Variants in CA8 observed in about 807,000 individuals in gnomAD.
CA8 encodes carbonic anhydrase-related protein.
Under a neutral mutation model 41.4 loss-of-function variants are expected in CA8, and 22 were observed. The observed-to-expected ratio is 0.53, with a 90% CI of 0.38 to 0.76. The LOEUF is 0.76. Ranked by LOEUF, CA8 falls within the 30% of genes least tolerant of loss-of-function variation. CA8 has a pLI of 0.00. For synonymous variants in CA8, 121 were observed against 130.6 expected (o/e 0.93, Z 0.50); for missense variants, 270 against 352.8 (o/e 0.77, Z 1.88).
intron 4 of CA8, among the ~76,000 whole-genome samples, chr8:60,227,810 A>C (rs888716736): frequency 1.3e-5 from 2 of 152,228 alleles, no homozygotes; most frequent in African/African-American, 4.8e-5. Context: ...TTTTAAAAAC[A>C]TATCACTATA....
chr8:60,220,141 T>C (rs915646226), intron 7 of CA8, among the ~76,000 whole-genome samples: 1 of 152,088 alleles, frequency 6.6e-6, no homozygotes, highest in Non-Finnish European at 1.5e-5. Context: ...TGTTCATGAA[T>C]CTTGTTTGCA....
chr8:60,258,615 T>C (rs1417136113), intron 3 of CA8, among the ~76,000 whole-genome samples: 1 of 152,130 alleles, frequency 6.6e-6, no homozygotes, highest in African/African-American at 2.4e-5. Flanking sequence ...TTGTAATATA[T>C]AAGGAAATAA....
intron 3 of CA8, among the ~76,000 whole-genome samples, chr8:60,240,188 C>A (rs1263207395): frequency 6.6e-6 from 1 of 152,108 alleles, no homozygotes; most frequent in Non-Finnish European, 1.5e-5. Flanking sequence ...TCAATACTGT[C>A]AAGGAGATAC....
chr8:60,193,488 T>C (rs1465915837), intron 8 of CA8, among the ~76,000 whole-genome samples: 1 of 152,144 alleles, frequency 6.6e-6, no homozygotes, highest in Non-Finnish European at 1.5e-5. Context: ...ATCAAGTAGC[T>C]TCTGGGAAAT....
intron 3 of CA8, among the ~76,000 whole-genome samples, chr8:60,240,691 T>C (rs1807993804): frequency 6.6e-6 from 1 of 151,122 alleles, no homozygotes; most frequent in South Asian, 2.1e-4. Context: ...CAGATCTTTA[T>C]TTCTGTGTCC....
intron 2 of CA8, among the ~76,000 whole-genome samples, chr8:60,274,103 T>C (rs1585936091): frequency 1.3e-5 from 2 of 151,844 alleles, no homozygotes; most frequent in Non-Finnish European, 2.9e-5. Flanking sequence ...TTTAGCACAG[T>C]GGTGGTGTGA....
At chr8:60,244,711 A>G (rs555971109) in intron 3 of CA8, among the ~76,000 whole-genome samples, 2 of 152,352 alleles carry the variant, frequency 1.3e-5, no homozygotes, top group East Asian at 3.9e-4. Flanking sequence ...TACAATTCAA[A>G]CTATTACAAT....
At chr8:60,230,680 C>T (rs1454045657) in intron 4 of CA8, among the ~76,000 whole-genome samples, 2 of 151,686 alleles carry the variant, frequency 1.3e-5, no homozygotes, top group African/African-American at 4.8e-5. Context: ...ACACAGATAA[C>T]CTGAATTTTT....
chr8:60,247,784 C>T (rs964236651), intron 3 of CA8, among the ~76,000 whole-genome samples: 5 of 152,258 alleles, frequency 3.3e-5, no homozygotes, highest in East Asian at 3.9e-4. Flanking sequence ...AATGGGATTG[C>T]GTATCAAATG....
At chr8:60,193,696 T>C (rs1417535236) in intron 8 of CA8, among the ~76,000 whole-genome samples, 2 of 152,198 alleles carry the variant, frequency 1.3e-5, no homozygotes, top group Non-Finnish European at 2.9e-5. Flanking sequence ...GACATGTTTG[T>C]TGCTTTGGTT....
rs1162295550 is a variant in CA8 at position 60,188,657 on chromosome 8, C to G, written c.*1364G>C. The G allele has an allele frequency of 6.6e-6, 1 of 152,212 alleles. No homozygotes were observed. The highest frequency in any genetic ancestry group is 2.4e-5 in the African/African-American group (1 of 41,436). The allele number at this position is 152,212 out of a possible 1,614,324, so 9.4% of individuals were successfully genotyped here. A position where few individuals can be genotyped will look rare whatever the true frequency, so the allele number is the denominator to read the frequency against. Reference sequence around the variant, plus strand: ...TCAGAGGCACTGCCTGGTGCTGACCCCATGTGATCCAGGGCTACCAACAGA... The same window carrying G: ...TCAGAGGCACTGCCTGGTGCTGACCGCATGTGATCCAGGGCTACCAACAGA... On this transcript the variant is annotated 3_prime_UTR_variant, in exon 9 of 9. Coordinates refer to ENST00000317995, the MANE Select transcript of CA8 (RefSeq NM_004056.6).
intron 8 of CA8, among the ~76,000 whole-genome samples, chr8:60,203,690 T>C (rs1486985067): frequency 6.6e-6 from 1 of 152,182 alleles, no homozygotes; most frequent in Non-Finnish European, 1.5e-5. Flanking sequence ...TATCTCCTTA[T>C]ACTCCTGATT....
At chr8:60,271,913 C>T (rs1282447840) in intron 2 of CA8, among the ~76,000 whole-genome samples, 1 of 151,126 alleles carries the variant, frequency 6.6e-6, no homozygotes, top group Non-Finnish European at 1.5e-5. Flanking sequence ...TCCTGAGAGA[C>T]AGTGACCCAC....
intron 3 of CA8, among the ~76,000 whole-genome samples, chr8:60,259,618 A>G (rs1268921971): frequency 6.6e-6 from 1 of 152,246 alleles, no homozygotes; most frequent in Non-Finnish European, 1.5e-5. Flanking sequence ...TCTACTCAGT[A>G]AACTGTGAGG....
intron 8 of CA8, among the ~76,000 whole-genome samples, chr8:60,194,184 C>G (rs1177979134): frequency 6.6e-6 from 1 of 152,126 alleles, no homozygotes; most frequent in Non-Finnish European, 1.5e-5. Context: ...GACAGTTTTT[C>G]TCTTCTTACA....
At chr8:60,215,098 C>T (rs1031948968) in intron 7 of CA8, among the ~76,000 whole-genome samples, 1 of 151,878 alleles carries the variant, frequency 6.6e-6, no homozygotes, top group Admixed American at 6.6e-5. Flanking sequence ...ACCATAATAC[C>T]CTGTTCTATC....
chr8:60,250,465 C>T (rs1298189522), intron 3 of CA8, among the ~76,000 whole-genome samples: 1 of 152,182 alleles, frequency 6.6e-6, no homozygotes, highest in African/African-American at 2.4e-5. Flanking sequence ...GATCTCCAAA[C>T]AATCAAAGCT....
Position 60,279,798 on chromosome 8 carries a change from A to G in CA8, c.183T>C (p.Tyr61=). Reference sequence around the variant, plus strand: ...GGCGGACATCCAACAGCGAGGGGTCATACCTAGCCTCTCTTGAGTTTAGGT... The same window carrying G: ...GGCGGACATCCAACAGCGAGGGGTCGTACCTAGCCTCTCTTGAGTTTAGGT... ...PINLNSREAR[Y]DPSLLDVRLS... is the part of the protein sequence containing the mutation. Residue 61 remains tyrosine, a synonymous_variant, in exon 2 of 9, where the codon TAT becomes TAC. Coordinates refer to ENST00000317995, the MANE Select transcript of CA8 (RefSeq NM_004056.6). 6.2e-7 allele frequency: 1 copy of G among 1,614,180 alleles called. No homozygotes were observed. Among genetic ancestry groups the G allele is most frequent in the South Asian group, 1.1e-5 (1 of 91,068 alleles).
At position 60,281,236 on chromosome 8, in the gene CA8, G is replaced by T. The variant is rs1241928214; in HGVS notation, c.-89C>A. 5 of 923,092 alleles carry T rather than the reference G, an allele frequency of 5.4e-6. No individual in the cohort carries two copies. Among genetic ancestry groups the T allele is most frequent in the Admixed American group, 2.0e-5 (1 of 48,950 alleles). 57.2% of individuals were successfully genotyped at this position (923,092 alleles called of 1,614,324 possible). On this transcript the variant is annotated 5_prime_UTR_variant, in exon 1 of 9. Transcript: ENST00000317995. ...GCTGGAGCCGGAGCGGAGCGCGCGT[G>T]GGGGAGTGTGAGCACGCGTGAGCGG...
Sources: gnomAD v4.1 joint callset for allele counts (sites outside exome capture counted in the v4.1 genomes callset) on GRCh38, gnomAD v4.1.1 for gene constraint, MANE v1.5 for transcripts, NCBI Gene and HGNC (gene_info 2026-07-23, HGNC 2026-07-21) for gene names.